The following CSMD1 variants were observed in gnomAD, a reference collection of about 807,000 sequenced individuals.
The protein encoded by CSMD1 is CUB and Sushi multiple domains 1, also known as CUB and sushi domain-containing protein 1.
In CSMD1, 213 loss-of-function variants were observed where a neutral mutation model predicts 417.5. That is an observed-to-expected ratio of 0.51 (90% CI 0.46 to 0.57). The LOEUF (loss-of-function observed/expected upper bound fraction) is 0.57, where lower values mean the gene tolerates loss of function less well. CSMD1 is among the 20% of genes least tolerant of loss of function. CSMD1 has a pLI of 0.00. For missense variants in CSMD1, 6,923 were observed against 4,529.7 expected, an observed-to-expected ratio of 1.53 and a Z score of -15.17; for synonymous variants, 2,862 against 1,736.8, an observed-to-expected ratio of 1.65 and a Z score of -16.11.
chr8:3,745,303 G>A (rs1338593232), intron 6 of CSMD1, among the ~76,000 whole-genome samples: 1 of 152,178 alleles, frequency 6.6e-6, no homozygotes, highest in South Asian at 2.1e-4. Context: ...GAACATGATG[G>A]TCAGCTCTGC....
chr8:4,629,621 T>G (rs1802387559), intron 2 of CSMD1, among the ~76,000 whole-genome samples: 1 of 152,198 alleles, frequency 6.6e-6, no homozygotes, highest in Non-Finnish European at 1.5e-5. Flanking sequence ...GTTTTATATG[T>G]GATTTCTAAA....
At chr8:4,211,403 A>C (rs981077467) in intron 3 of CSMD1, among the ~76,000 whole-genome samples, 1 of 152,184 alleles carries the variant, frequency 6.6e-6, no homozygotes, top group Admixed American at 6.5e-5. Context: ...TATTTTACCT[A>C]AATCAGCATC....
rs531931319 is a variant in CSMD1, at chr8:3,318,569, G to A, written c.3632-10066C>T. 2.2e-3 allele frequency among the ~76,000 whole-genome samples: 332 copies of A among 152,266 alleles called. 1 individual carries two copies. Among genetic ancestry groups the A allele is most frequent in the African/African-American group, 5.6e-3 (232 of 41,564 alleles). The stretch of plus-strand genomic sequence containing the variant: ...TTAATTCAACACATACTTATTAAGC[G>A]CTTAATATGCAGTATCTTTCGTGAC... On this transcript the variant is annotated intron_variant, in intron 23 of 69. Coordinates refer to ENST00000635120, the MANE Select transcript of CSMD1 (RefSeq NM_033225.6).
At chr8:3,851,046 T>C (rs1015999213) in intron 5 of CSMD1, among the ~76,000 whole-genome samples, 1 of 152,238 alleles carries the variant, frequency 6.6e-6, no homozygotes, top group East Asian at 1.9e-4. Context: ...TAACAATTTG[T>C]AGAAATGAAT....
intron 2 of CSMD1, among the ~76,000 whole-genome samples, chr8:4,518,080 A>G (rs1430211221): frequency 6.6e-6 from 1 of 152,232 alleles, no homozygotes; most frequent in Non-Finnish European, 1.5e-5. Flanking sequence ...TCAAATGTCT[A>G]ATATCATCCA....
intron 1 of CSMD1, among the ~76,000 whole-genome samples, chr8:4,718,976 G>C (rs951885755): frequency 1.3e-5 from 2 of 152,016 alleles, no homozygotes; most frequent in Admixed American, 6.6e-5. Context: ...ATATTGATAT[G>C]AAAAACTTTG....
chr8:4,793,325 A>G (rs1797796066), intron 1 of CSMD1, among the ~76,000 whole-genome samples: 1 of 152,184 alleles, frequency 6.6e-6, no homozygotes, highest in South Asian at 2.1e-4. Context: ...CAGAAGAGGC[A>G]TTTTTATTAT....
At chr8:4,313,176 T>G (rs367811547) in intron 3 of CSMD1, among the ~76,000 whole-genome samples, 1 of 152,126 alleles carries the variant, frequency 6.6e-6, no homozygotes, top group Non-Finnish European at 1.5e-5. Context: ...ATCTACTAAA[T>G]GTACATTTTT....
intron 7 of CSMD1, among the ~76,000 whole-genome samples, chr8:3,648,102 G>C (rs1156741917): frequency 6.6e-6 from 1 of 152,182 alleles, no homozygotes; most frequent in Non-Finnish European, 1.5e-5. Context: ...CAGGAAGGAG[G>C]TGTCTCCTAA....
chr8:4,597,057 T>C (rs1800322270), intron 2 of CSMD1, among the ~76,000 whole-genome samples: 1 of 152,152 alleles, frequency 6.6e-6, no homozygotes, highest in South Asian at 2.1e-4. Context: ...TTTTCTTCCC[T>C]GCCTTGGGTA....
At chr8:4,417,503 C>T (rs1181299375) in intron 3 of CSMD1, among the ~76,000 whole-genome samples, 9 of 151,940 alleles carry the variant, frequency 5.9e-5, no homozygotes, top group African/African-American at 1.4e-4. Flanking sequence ...TACCACAATT[C>T]CATGTTTTAG....
intron 1 of CSMD1, among the ~76,000 whole-genome samples, chr8:4,785,846 G>C (rs558733228): frequency 6.6e-6 from 1 of 152,144 alleles, no homozygotes; most frequent in African/African-American, 2.4e-5. Flanking sequence ...AATGATTAAA[G>C]ATGTTCTTCA....
At chr8:4,680,835 C>G (rs907202719) in intron 1 of CSMD1, among the ~76,000 whole-genome samples, 1 of 152,060 alleles carries the variant, frequency 6.6e-6, no homozygotes, top group Non-Finnish European at 1.5e-5. Context: ...CCGCCTTGGC[C>G]TCCCAAAGTG....
chr8:3,852,575 G>A (rs1267497857), intron 5 of CSMD1, among the ~76,000 whole-genome samples: 2 of 152,150 alleles, frequency 1.3e-5, no homozygotes, highest in African/African-American at 4.8e-5. Flanking sequence ...GGATGGAGTA[G>A]AGGACTTACT....
chr8:4,663,759 G>C (rs1026914950), intron 1 of CSMD1, among the ~76,000 whole-genome samples: 2 of 152,202 alleles, frequency 1.3e-5, no homozygotes, highest in Admixed American at 6.5e-5. Context: ...GTTCTTTAAA[G>C]TAACGTGAGA....
chr8:4,209,764 T>C (rs1466782364), intron 3 of CSMD1, among the ~76,000 whole-genome samples: 2 of 152,182 alleles, frequency 1.3e-5, no homozygotes, highest in African/African-American at 2.4e-5. Context: ...GACTACACCA[T>C]AGGCCATGTG....
Position 3,678,856 on chromosome 8 carries a change from A to T in CSMD1, c.1009+29558T>A, listed in dbSNP as rs1044476813. Among the ~76,000 whole-genome samples the T allele has an allele frequency of 2.0e-5, 3 of 152,366 alleles. No individual in the cohort carries two copies. The East Asian group carries it at 5.8e-4, about 29-fold the overall frequency. On this transcript the variant is annotated intron_variant, in intron 7 of 69. Coordinates refer to ENST00000635120, the MANE Select transcript of CSMD1 (RefSeq NM_033225.6). ...CTGATCTCTCAGCAGAAAGTCTACA[A>T]GCCAGAAAAGACTGGGGGCCAATAT... is the stretch of plus-strand genomic sequence containing the variant.
At chr8:3,844,119 A>G (rs1296153726) in intron 5 of CSMD1, among the ~76,000 whole-genome samples, 1 of 152,210 alleles carries the variant, frequency 6.6e-6, no homozygotes, top group Non-Finnish European at 1.5e-5. Flanking sequence ...TATTATATAC[A>G]TAAGAATAGT....
chr8:3,524,190 CAT>C (rs1797652057), intron 10 of CSMD1, among the ~76,000 whole-genome samples: 1 of 151,774 alleles, frequency 6.6e-6, no homozygotes, highest in African/African-American at 2.4e-5. Flanking sequence ...CACATACTCA[CAT>C]ATGCACACAC....
Sources: gnomAD v4.1 joint callset for allele counts (sites outside exome capture counted in the v4.1 genomes callset) on GRCh38, gnomAD v4.1.1 for gene constraint, MANE v1.5 for transcripts, NCBI Gene and HGNC (gene_info 2026-07-23, HGNC 2026-07-21) for gene names.